REXO5: variants seen among roughly 807,000 people sequenced by gnomAD.
The protein encoded by REXO5 is exonuclease NEF-sp.
A neutral mutation model predicts 88.5 loss-of-function variants in REXO5; 48 were observed. That is an observed-to-expected ratio of 0.54 (90% CI 0.43 to 0.69). The LOEUF is 0.69. Among genes scored for constraint, REXO5 ranks in the 30% least tolerant of loss-of-function variants. The probability of loss-of-function intolerance (pLI) is 0.00; values close to 1 mark genes in which losing one functional copy is unlikely to be tolerated. For synonymous variants in REXO5, 311 were observed against 336.5 expected, an observed-to-expected ratio of 0.92 and a Z score of 0.83; for missense variants, 749 against 912.2, an observed-to-expected ratio of 0.82 and a Z score of 2.30.
At position 20,828,431 on chromosome 16, in the gene REXO5, C is replaced by T; in HGVS notation, c.1056-4C>T. The T allele has an allele frequency of 1.9e-6, 3 of 1,597,346 alleles. No individual in the cohort carries two copies. The highest frequency in any genetic ancestry group is 2.6e-6 in the Non-Finnish European group (3 of 1,165,008). On this transcript the variant is annotated splice_polypyrimidine_tract_variant and splice_region_variant and intron_variant, in intron 10 of 19. Coordinates refer to ENST00000261377, the MANE Select transcript of REXO5 (RefSeq NM_030941.3). ...AGTATGTCAATTTTATATTGACTTT[C>T]CAGGAAGGATATACAGTGTCCAGAC...
intron 2 of REXO5, among the ~76,000 whole-genome samples, chr16:20,811,103 C>T (rs1015194275): frequency 6.6e-6 from 1 of 152,176 alleles, no homozygotes; most frequent in African/African-American, 2.4e-5. Flanking sequence ...CACCAGAGCA[C>T]CCTCCTGCAT....
At chr16:20,826,111 T>C (rs2081256993) in intron 8 of REXO5, among the ~76,000 whole-genome samples, 163 bp downstream of exon 8, 1 of 152,366 alleles carries the variant, frequency 6.6e-6, no homozygotes, top group Admixed American at 6.5e-5. Flanking sequence ...AATTGCACAA[T>C]GTCAGTGTAT....
At chr16:20,842,238 T>G (rs1306088976) in intron 15 of REXO5, among the ~76,000 whole-genome samples, 1 of 151,786 alleles carries the variant, frequency 6.6e-6, no homozygotes, top group Non-Finnish European at 1.5e-5. Flanking sequence ...TTTTACTTTC[T>G]GTCTTTATGA....
chr16:20,830,797 TC>T (rs1337559097), intron 11 of REXO5, among the ~76,000 whole-genome samples: 3 of 152,130 alleles, frequency 2.0e-5, no homozygotes, highest in Admixed American at 1.3e-4. Context: ...CTGGTGGTCT[TC>T]CTGTACCCTT....
rs893449437 is a variant in REXO5, at chr16:20,845,204, G to A, written c.2087G>A (p.Arg696His). ...GAATCAACAAGGCTCCCAGGGCTTC[G>A]TGTTGTACCTCCCCCCTTTGAACAG... ...PPESTRLPGLRVVPPPFEQEA... is the reference protein window; with the variant it reads ...PPESTRLPGLHVVPPPFEQEA... Residue 696 changes from arginine (R) to histidine (H), a missense_variant, in exon 18 of 20, where the codon CGT becomes CAT. By Grantham distance (29) the Arg-to-His change is conservative. Coordinates refer to ENST00000261377, the MANE Select transcript of REXO5 (RefSeq NM_030941.3). 3.1e-6 allele frequency: 5 copies of A among 1,613,508 alleles called. No individual in the cohort carries two copies. Among genetic ancestry groups the A allele is most frequent in the Admixed American group, 3.3e-5 (2 of 59,932 alleles).
rs1294292627 is a variant in REXO5 at position 20,807,001 on chromosome 16, G to A, written c.48G>A (p.Arg16=). 1 of 1,601,426 alleles carries A rather than the reference G, an allele frequency of 6.2e-7. No homozygotes were observed. Among genetic ancestry groups the A allele is most frequent in the South Asian group, 1.1e-5 (1 of 88,428 alleles). The change falls in exon 2 of 20, where the codon AGG becomes AGA. Residue 16 remains arginine, a synonymous_variant. Transcript: ENST00000261377. ...CCGAGAGACACCCCAGGAAGGTCAG[G>A]GAAAGCAGGCAGGCCCCAAATAAGC... ...EGTERHPRKV[R]ESRQAPNKLV... is the part of the protein sequence containing the mutation.
chr16:20,830,928 A>G (rs1363453099), intron 11 of REXO5, among the ~76,000 whole-genome samples: 1 of 151,568 alleles, frequency 6.6e-6, no homozygotes, highest in Admixed American at 6.6e-5. Flanking sequence ...AATTTTTAAT[A>G]TTAGTTTAAG....
At chr16:20,839,931 T>C in intron 14 of REXO5, 72 bp downstream of exon 14, 1 of 876,198 alleles carries the variant, frequency 1.1e-6, no homozygotes, top group Non-Finnish European at 1.8e-6. Flanking sequence ...AGGAAAGTAA[T>C]ACATGCTTTA....
At chr16:20,848,542 C>G (rs1289259417) in intron 19 of REXO5, among the ~76,000 whole-genome samples, 1 of 152,190 alleles carries the variant, frequency 6.6e-6, no homozygotes, top group Admixed American at 6.5e-5. Context: ...GAGCAACTCT[C>G]CTGCCCTCAA....
chr16:20,819,345 T>C (rs2081130386), intron 5 of REXO5, among the ~76,000 whole-genome samples: 1 of 152,096 alleles, frequency 6.6e-6, no homozygotes, highest in South Asian at 2.1e-4. Context: ...AAGCCCTTTC[T>C]AGCCTCTTTC....
chr16:20,827,408 GA>G lies in REXO5; in HGVS notation c.1018del (p.Arg340AspfsTer7). 6.2e-7 allele frequency: 1 copy of G among 1,613,640 alleles called. No individual in the cohort carries two copies. Among genetic ancestry groups the G allele is most frequent in the Non-Finnish European group, 8.5e-7 (1 of 1,179,888 alleles). On this transcript the variant is annotated frameshift_variant, in exon 10 of 20. Transcript: ENST00000261377. LOFTEE classifies it high-confidence loss of function. ...TSLLYVREQGRRFKLKFLAKV... is the reference protein window; with the variant it reads ...TSLLYVREQGXRFKLKFLAKV... ...TTGCTTTATGTCAGAGAGCAGGGCAGAAGATTTAAGCTCAAGTTCTTAGCCA... is the reference window on the plus strand; with the variant it reads ...TTGCTTTATGTCAGAGAGCAGGGCAGAGATTTAAGCTCAAGTTCTTAGCCA...
chr16:20,843,801 C>T, intron 15 of REXO5, 133 bp from the exon 16 acceptor site: 1 of 528,110 alleles, frequency 1.9e-6, no homozygotes, highest in Non-Finnish European at 3.4e-6. Context: ...ACAATCAATA[C>T]TTGTGTAGCC....
At chr16:20,844,113 T>C (rs2152512669) in intron 16 of REXO5, 87 bp downstream of exon 16, 1 of 772,840 alleles carries the variant, frequency 1.3e-6, no homozygotes, top group African/African-American at 1.7e-5. Flanking sequence ...TAGGAAACAC[T>C]CTCAAGAGGC....
chr16:20,818,508 G>A (rs1216353965), intron 5 of REXO5, among the ~76,000 whole-genome samples: 4 of 152,068 alleles, frequency 2.6e-5, no homozygotes, highest in Admixed American at 2.6e-4. Context: ...TCGCTCTGTC[G>A]CTGAGGCTGG....
At chr16:20,808,072 C>T (rs933549008) in intron 2 of REXO5, among the ~76,000 whole-genome samples, 4 of 152,162 alleles carry the variant, frequency 2.6e-5, no homozygotes, top group Non-Finnish European at 5.9e-5. Flanking sequence ...GTGAACTTTG[C>T]ATACGAGGGT....
At chr16:20,836,859 G>C (rs1456352818) in intron 13 of REXO5, among the ~76,000 whole-genome samples, 1 of 152,120 alleles carries the variant, frequency 6.6e-6, no homozygotes, top group African/African-American at 2.4e-5. Flanking sequence ...TTAATTTGCA[G>C]TCCCCTAATG....
intron 12 of REXO5, 44 bp downstream of exon 12, chr16:20,832,303 T>C (rs772880347): frequency 1.6e-6 from 2 of 1,254,692 alleles, no homozygotes; most frequent in Non-Finnish European, 2.3e-6. Flanking sequence ...AAATGGAGTA[T>C]CTAGTTTCTT....
chr16:20,807,738 T>TAA lies in REXO5; in HGVS notation c.138+658_138+659dup, dbSNP rs56126602. On this transcript the variant is annotated intron_variant, in intron 2 of 19. Transcript: ENST00000261377. ...GCAATATAGCAAGGACCCCATCTCTTAAAAAAAAAAAACAAAAAACAAAAC... is the reference window on the plus strand; with the variant it reads ...GCAATATAGCAAGGACCCCATCTCTTAAAAAAAAAAAAAACAAAAAACAAAAC... 6.2e-3 allele frequency among the ~76,000 whole-genome samples: 887 copies of TAA among 141,926 alleles called. 7 individuals carry two copies. Among genetic ancestry groups the TAA allele is most frequent in the Non-Finnish European group, 9.3e-3 (609 of 65,760 alleles). The allele number at this position is 141,926 out of a possible 152,430, so 93.1% of individuals were successfully genotyped here. A position where few individuals can be genotyped will look rare whatever the true frequency, so the allele number is the denominator to read the frequency against.
chr16:20,816,871 A>G (rs1422964469), intron 5 of REXO5, among the ~76,000 whole-genome samples: 2 of 152,220 alleles, frequency 1.3e-5, no homozygotes, highest in East Asian at 3.9e-4. Flanking sequence ...TTTGACTAAT[A>G]TAAGGGATAC....
Sources: gnomAD v4.1 joint callset for allele counts (sites outside exome capture counted in the v4.1 genomes callset) on GRCh38, gnomAD v4.1.1 for gene constraint, MANE v1.5 for transcripts, NCBI Gene and HGNC (gene_info 2026-07-23, HGNC 2026-07-21) for gene names.